The following SCAP variants were observed in gnomAD, a reference collection of about 807,000 sequenced individuals.
SCAP encodes SREBF chaperone, also known as sterol regulatory element-binding protein cleavage-activating protein.
A neutral mutation model predicts 123.6 loss-of-function variants in SCAP; 65 were observed. The ratio of observed to expected loss-of-function variants is 0.53; its 90% CI spans 0.43 to 0.65. The LOEUF (loss-of-function observed/expected upper bound fraction) is 0.65. Among genes scored for constraint, SCAP ranks in the 30% least tolerant of loss-of-function variants. The pLI is 0.00. For synonymous variants in SCAP, 740 were observed against 726.3 expected (o/e 1.02, Z -0.30); for missense variants, 1,398 against 1,712.5 (o/e 0.82, Z 3.24).
rs753184105 is a variant in SCAP, at chr3:47,426,034, G to A, written c.873C>T (p.Thr291=). 43 of 1,614,084 alleles carry A rather than the reference G, an allele frequency of 2.7e-5. 1 individual carries two copies. The South Asian group carries it at 4.6e-4, about 17-fold the overall frequency. ...AGATGTAGGCAAACAAGATGATGTA[G>A]GTGGTCACAAGGGGGATGAGCTCAG... ...GVAELIPLVT[T]YIILFAYIYF... Residue 291 remains threonine, a synonymous_variant, in exon 7 of 23, where the codon ACC becomes ACT. Transcript: ENST00000265565.
Position 47,418,422 on chromosome 3 carries a change from C to T in SCAP, c.2230G>A (p.Gly744Arg). The T allele has an allele frequency of 6.3e-7, 1 of 1,584,518 alleles. No individual in the cohort carries two copies. The highest frequency in any genetic ancestry group is 8.6e-7 in the Non-Finnish European group (1 of 1,169,056). Residue 744 changes from glycine to arginine, a missense_variant, in exon 15 of 23, where the codon GGG becomes AGG. By Grantham distance (125) the Gly-to-Arg change is moderately radical (BLOSUM62 -2). Coordinates refer to ENST00000265565, the MANE Select transcript of SCAP (RefSeq NM_012235.4). ...CPRNYGQLGG[G>R]PGRRRRGELP... ...TCCCCGCGCCTCCGCCGCCCGGGCC[C>T]ACCACCCAGCTGCCCGTAGTTGCGC...
At chr3:47,451,348 AAAATATACATGTTTAT>A (rs1450733284) in intron 1 of SCAP, among the ~76,000 whole-genome samples, 2 of 121,208 alleles carry the variant, frequency 1.7e-5, no homozygotes, top group Non-Finnish European at 3.6e-5. Flanking sequence ...TATAAAAGTA[AAAATATACATGTTTAT>A]ATTCAAATAT....
intron 14 of SCAP, 29 bp downstream of exon 14, chr3:47,418,626 T>G: frequency 6.9e-7 from 1 of 1,459,562 alleles, no homozygotes; most frequent in Non-Finnish European, 9.5e-7. Flanking sequence ...CCGCACTCTT[T>G]CCCACCCCAC....
intron 1 of SCAP, among the ~76,000 whole-genome samples, chr3:47,466,143 A>C (rs1046382154): frequency 4.0e-5 from 6 of 151,436 alleles, no homozygotes; most frequent in African/African-American, 1.2e-4. Flanking sequence ...AACCAAAAAA[A>C]AAAAAAAAAA....
chr3:47,476,292 G>A (rs143528629), upstream of SCAP, among the ~76,000 whole-genome samples: 1 of 152,268 alleles, frequency 6.6e-6, no homozygotes, highest in African/African-American at 2.4e-5. Flanking sequence ...GGAGACCTCC[G>A]TCTCCACAAG....
Position 47,428,495 on chromosome 3 carries a change from G to A in SCAP, c.410+18C>T. The A allele has an allele frequency of 6.2e-7, 1 of 1,612,558 alleles. No homozygotes were observed. ...ACAGAATGGGATTCAGGGAGGCCAG[G>A]GTCCCTGAGAGGGGTACCTGTCTCT... is the stretch of plus-strand genomic sequence containing the variant. On this transcript the variant is annotated intron_variant, in intron 4 of 22. Coordinates refer to ENST00000265565, the MANE Select transcript of SCAP (RefSeq NM_012235.4).
chr3:47,427,617 A>C lies in SCAP; in HGVS notation c.461T>G (p.Leu154Arg), dbSNP rs1706194514. The stretch of plus-strand genomic sequence containing the variant: ...GTTCCTGAGCTTCCTAAGGCCTGGC[A>C]GCAGGTCGGTCACTTGCAGACACAA... ...EELCLQVTDL[L>R]PGLRKLRNLL... The change falls in exon 5 of 23, where the codon CTG becomes CGG. Residue 154 changes from leucine to arginine, a missense_variant. Coordinates refer to ENST00000265565, the MANE Select transcript of SCAP (RefSeq NM_012235.4). 3 of 1,614,052 alleles carry C rather than the reference A, an allele frequency of 1.9e-6. No homozygotes were observed. The African/African-American group carries it at 4.0e-5, about 22-fold the overall frequency.
chr3:47,421,082 C>T (rs1705877956), intron 10 of SCAP, 53 bp from the exon 11 acceptor site: 18 of 1,452,450 alleles, frequency 1.2e-5, no homozygotes, highest in Non-Finnish European at 1.6e-5. Context: ...ACTGTCCCAG[C>T]CCAAGAGGAG....
chr3:47,440,290 G>T (rs1296314958), intron 2 of SCAP, among the ~76,000 whole-genome samples: 2 of 152,154 alleles, frequency 1.3e-5, no homozygotes, highest in East Asian at 3.9e-4. Flanking sequence ...GGAAGAAGGG[G>T]GCACTGCTCT....
intron 1 of SCAP, among the ~76,000 whole-genome samples, chr3:47,447,974 C>T (rs573823528): frequency 3.6e-4 from 50 of 137,412 alleles, no homozygotes; most frequent in African/African-American, 1.3e-3. Flanking sequence ...CACTGCACTC[C>T]AGCCTGGGCA....
Position 47,420,643 on chromosome 3 carries a change from G to T in SCAP, c.1474C>A (p.Pro492Thr), listed in dbSNP as rs776502967. 3.1e-6 allele frequency: 5 copies of T among 1,612,058 alleles called. No individual in the cohort carries two copies. Among genetic ancestry groups the T allele is most frequent in the Non-Finnish European group, 4.2e-6 (5 of 1,179,948 alleles). Residue 492 changes from proline (P) to threonine (T), a missense_variant, in exon 12 of 23, where the codon CCG becomes ACG. This residue lies in a region of SCAP where 828 missense variants were observed against 882.5 expected (regional missense o/e 0.94). Transcript: ENST00000265565. The surrounding 1 kb of genome is among the most constrained non-coding windows in gnomAD (Gnocchi z 5.0). ...PSTPHTITLQ[P>T]SSFRNLRLPK... ...AGCCGCAGGTTTCGGAAGGAAGACG[G>T]CTGCAACGTGATGGTGTGGGGTGTG...
At chr3:47,435,471 C>CACACAT (rs1291863800) in intron 2 of SCAP, among the ~76,000 whole-genome samples, 131 of 36,434 alleles carry the variant, frequency 3.6e-3, no homozygotes, top group Non-Finnish European at 8.1e-3. Flanking sequence ...TATAAACATA[C>CACACAT]ACACACACAC....
chr3:47,430,049 G>A (rs961977840), intron 3 of SCAP, among the ~76,000 whole-genome samples: 2 of 152,126 alleles, frequency 1.3e-5, no homozygotes, highest in African/African-American at 4.8e-5. Context: ...CAGGAATAAC[G>A]ACATTCACCC....
chr3:47,447,844 GA>G (rs1707103744), intron 1 of SCAP, among the ~76,000 whole-genome samples: 1 of 151,156 alleles, frequency 6.6e-6, no homozygotes, highest in Non-Finnish European at 1.5e-5. Flanking sequence ...CCGTCTCTAT[GA>G]AAAATACAAA....
At chr3:47,464,419 C>G (rs1707754159) in intron 1 of SCAP, among the ~76,000 whole-genome samples, 9 of 151,728 alleles carry the variant, frequency 5.9e-5, no homozygotes. Context: ...TCTCAGATGA[C>G]AAGTGGAATT....
chr3:47,418,603 C>T (rs1705748750), intron 14 of SCAP, 52 bp downstream of exon 14: 10 of 1,537,452 alleles, frequency 6.5e-6, no homozygotes, highest in Non-Finnish European at 8.8e-6. Context: ...CTCTTGCCTA[C>T]CCGTCCCCCT....
intron 21 of SCAP, 53 bp downstream of exon 21, chr3:47,414,519 G>A (rs941805342): frequency 6.2e-7 from 1 of 1,608,276 alleles, no homozygotes; most frequent in Non-Finnish European, 8.5e-7. Context: ...CCAGGAGTCA[G>A]CAAACATGGG....
At chr3:47,447,861 C>T (rs192800046) in intron 1 of SCAP, among the ~76,000 whole-genome samples, 100 of 151,076 alleles carry the variant, frequency 6.6e-4, no homozygotes, top group Middle Eastern at 6.9e-3. Context: ...ACAAAATAGC[C>T]GGGCATGGTG....
intron 1 of SCAP, among the ~76,000 whole-genome samples, chr3:47,468,944 T>C (rs1255607943): frequency 6.6e-6 from 1 of 152,228 alleles, no homozygotes; most frequent in African/African-American, 2.4e-5. Flanking sequence ...ATATGGCTCC[T>C]GGATCGATAG....
Sources: gnomAD v4.1 joint callset for allele counts (sites outside exome capture counted in the v4.1 genomes callset) on GRCh38, gnomAD v4.1.1 for gene constraint, gnomAD v4.1.1 regional missense constraint, Gnocchi (gnomAD v3.1) non-coding constraint, MANE v1.5 for transcripts, NCBI Gene and HGNC (gene_info 2026-07-23, HGNC 2026-07-21) for gene names.